The following IGF2BP2 variants were observed in gnomAD, a reference collection of about 807,000 sequenced individuals.
The protein encoded by IGF2BP2 is insulin like growth factor 2 mRNA binding protein 2.
IGF2BP2 carries 17 observed loss-of-function variants against 75.8 expected under a neutral mutation model. The observed-to-expected ratio is 0.22, with a 90% CI of 0.15 to 0.34. IGF2BP2 has a LOEUF of 0.34. Ranked by LOEUF, IGF2BP2 falls within the 10% of genes least tolerant of loss-of-function variation. The pLI is 1.00. For synonymous variants in IGF2BP2, 288 were observed against 295.6 expected (o/e 0.97, Z 0.26); for missense variants, 516 against 772.4 (o/e 0.67, Z 3.93).
At chr3:185,814,138 T>C (rs1740292711) in intron 2 of IGF2BP2, 1 of 152,174 alleles carries the variant, frequency 6.6e-6, no homozygotes, top group Admixed American at 6.6e-5. Context: ...GATGTACACA[T>C]GGTTTAGTCA....
At chr3:185,710,867 T>C (rs1380519366) in intron 2 of IGF2BP2, among the ~76,000 whole-genome samples, 3 of 151,278 alleles carry the variant, frequency 2.0e-5, no homozygotes, top group Non-Finnish European at 4.4e-5. Flanking sequence ...GCCAGAAAAA[T>C]AGCTTCTTAC....
At chr3:185,714,217 T>A (rs932197865) in intron 2 of IGF2BP2, among the ~76,000 whole-genome samples, 2 of 152,176 alleles carry the variant, frequency 1.3e-5, no homozygotes, top group African/African-American at 4.8e-5. Flanking sequence ...TTTTTTCACT[T>A]AGTATAGGGT....
At chr3:185,650,260 C>G (rs761671471) in intron 13 of IGF2BP2, among the ~76,000 whole-genome samples, 1 of 151,620 alleles carries the variant, frequency 6.6e-6, no homozygotes, top group Non-Finnish European at 1.5e-5. Flanking sequence ...GGCAGAGGAG[C>G]CAAGAACCTA....
intron 2 of IGF2BP2, among the ~76,000 whole-genome samples, chr3:185,792,765 C>CAA (rs57107858): frequency 4.7e-4 from 44 of 93,664 alleles, no homozygotes; most frequent in South Asian, 3.9e-3. Context: ...GACTCCGTCT[C>CAA]AAAAAAAAAA....
At chr3:185,668,533 A>G (rs1170263490) in intron 10 of IGF2BP2, among the ~76,000 whole-genome samples, 6 of 147,418 alleles carry the variant, frequency 4.1e-5, no homozygotes, top group African/African-American at 1.5e-4. Context: ...ATATATATAT[A>G]GTGTACTACA....
Position 185,647,167 on chromosome 3 carries a change from G to C in IGF2BP2, c.1594-29C>G, listed in dbSNP as rs775133009. 3.3e-6 allele frequency: 5 copies of C among 1,529,116 alleles called. No individual in the cohort carries two copies. The highest frequency in any genetic ancestry group is 4.5e-6 in the Non-Finnish European group (5 of 1,102,448). 94.7% of individuals were successfully genotyped at this position (1,529,116 alleles called of 1,614,324 possible). On this transcript the variant is annotated intron_variant, in intron 14 of 15. Coordinates refer to ENST00000382199, the MANE Select transcript of IGF2BP2 (RefSeq NM_006548.6). This position sits in a 1 kb window ranked among gnomAD's most constrained non-coding sequence, Gnocchi z 4.9. Reference sequence around the variant, plus strand: ...TGAAGGGAGAAACGGCAACGGGTTGGATAGGTTCCCTCCCCGTCAACGTGG... The same window carrying C: ...TGAAGGGAGAAACGGCAACGGGTTGCATAGGTTCCCTCCCCGTCAACGTGG...
At chr3:185,800,399 G>A (rs1226522599) in intron 2 of IGF2BP2, among the ~76,000 whole-genome samples, 1 of 151,912 alleles carries the variant, frequency 6.6e-6, no homozygotes, top group Admixed American at 6.6e-5. Flanking sequence ...TGCACATTGT[G>A]CACATGTACC....
Position 185,649,480 on chromosome 3 carries a change from C to T in IGF2BP2, c.1516G>A (p.Glu506Lys). ...LKEENFFNPK[E>K]EVKLEAHIRV... Reference sequence around the variant, plus strand: ...ATATGCGCTTCCAGCTTCACTTCTTCTTTGGGGTTAAAGAAGTTTTCCTCT... The same window carrying T: ...ATATGCGCTTCCAGCTTCACTTCTTTTTTGGGGTTAAAGAAGTTTTCCTCT... Residue 506 changes from glutamate to lysine, a missense_variant, in exon 14 of 16, where the codon GAA becomes AAA. Transcript: ENST00000382199. 1 of 1,614,190 alleles carries T rather than the reference C, an allele frequency of 6.2e-7. No individual in the cohort carries two copies. The highest frequency in any genetic ancestry group is 8.5e-7 in the Non-Finnish European group (1 of 1,180,034).
chr3:185,808,441 T>C (rs1454371897), intron 2 of IGF2BP2, among the ~76,000 whole-genome samples: 5 of 151,986 alleles, frequency 3.3e-5, no homozygotes, highest in African/African-American at 7.2e-5. Flanking sequence ...CATCACACCA[T>C]TGCACTCCAG....
chr3:185,672,220 T>C (rs1015800279), intron 10 of IGF2BP2, among the ~76,000 whole-genome samples: 3 of 152,222 alleles, frequency 2.0e-5, no homozygotes, highest in Admixed American at 6.5e-5. Context: ...TTACCATCAC[T>C]CATGAAATGT....
intron 2 of IGF2BP2, among the ~76,000 whole-genome samples, chr3:185,705,690 A>G (rs1375704622): frequency 6.6e-6 from 1 of 152,214 alleles, no homozygotes; most frequent in Non-Finnish European, 1.5e-5. Context: ...GAAGTCCAAG[A>G]TCAAGGCACC....
At chr3:185,781,862 C>G (rs774596880) in intron 2 of IGF2BP2, among the ~76,000 whole-genome samples, 1 of 151,932 alleles carries the variant, frequency 6.6e-6, no homozygotes, top group Non-Finnish European at 1.5e-5. Context: ...GGGTTTGAAG[C>G]ATCAAAGGCT....
At chr3:185,727,649 A>G (rs193156465) in intron 2 of IGF2BP2, among the ~76,000 whole-genome samples, 52 of 152,338 alleles carry the variant, frequency 3.4e-4, no homozygotes, top group African/African-American at 1.1e-3. Flanking sequence ...CTAAAAATTC[A>G]ATTTCTTAAT....
intron 2 of IGF2BP2, among the ~76,000 whole-genome samples, chr3:185,778,972 T>C (rs1437935241): frequency 6.6e-6 from 1 of 152,080 alleles, no homozygotes; most frequent in East Asian, 1.9e-4. Flanking sequence ...GCTAACACAC[T>C]ACCATGCAGT....
At position 185,647,149 on chromosome 3, in the gene IGF2BP2, A is replaced by C. The variant is rs756613537; in HGVS notation, c.1594-11T>G. 2 of 1,602,176 alleles carry C rather than the reference A, an allele frequency of 1.2e-6. No homozygotes were observed. Among genetic ancestry groups the C allele is most frequent in the Non-Finnish European group, 1.7e-6 (2 of 1,169,146 alleles). ...CTGCAGTTCGTTCACCTGTGAAGGG[A>C]GAAACGGCAACGGGTTGGATAGGTT... On this transcript the variant is annotated splice_polypyrimidine_tract_variant and intron_variant, in intron 14 of 15. Transcript: ENST00000382199. The surrounding 1 kb of genome is among the most constrained non-coding windows in gnomAD (Gnocchi z 4.9).
At chr3:185,699,942 AT>A (rs781353544) in intron 2 of IGF2BP2, among the ~76,000 whole-genome samples, 6 of 151,868 alleles carry the variant, frequency 4.0e-5, no homozygotes, top group East Asian at 1.9e-4. Flanking sequence ...AAGTTATGTA[AT>A]TTTTTTTTAT....
intron 15 of IGF2BP2, 80 bp downstream of exon 15, chr3:185,646,945 C>A (rs1175674791): frequency 1.8e-5 from 19 of 1,077,884 alleles, no homozygotes; most frequent in Non-Finnish European, 2.6e-5. Context: ...GGGCCTGTGG[C>A]CACCTGACAG....
chr3:185,782,297 G>A (rs921829422), intron 2 of IGF2BP2, among the ~76,000 whole-genome samples: 5 of 152,008 alleles, frequency 3.3e-5, no homozygotes, highest in Non-Finnish European at 5.9e-5. Context: ...CAGGTTGAAG[G>A]TATTTAAAAC....
chr3:185,650,204 G>A (rs1301275648), intron 13 of IGF2BP2, among the ~76,000 whole-genome samples: 1 of 151,330 alleles, frequency 6.6e-6, no homozygotes, highest in East Asian at 1.9e-4. Context: ...ACTGGTGTAA[G>A]CCACTACATT....
Sources: allele counts gnomAD v4.1 joint callset (sites outside exome capture counted in the v4.1 genomes callset), GRCh38; gene constraint gnomAD v4.1.1; non-coding constraint Gnocchi (gnomAD v3.1); transcripts MANE v1.5; gene names NCBI Gene and HGNC (gene_info 2026-07-23, HGNC 2026-07-21).